SLC8A2: variants seen among roughly 807,000 people sequenced by gnomAD.
The protein encoded by SLC8A2 is solute carrier family 8 member A2.
A neutral mutation model predicts 70.2 loss-of-function variants in SLC8A2; 14 were observed. That is an observed-to-expected ratio of 0.20 (90% CI 0.13 to 0.31). The LOEUF (loss-of-function observed/expected upper bound fraction) is 0.31. Among genes scored for constraint, SLC8A2 ranks in the 10% least tolerant of loss-of-function variants. The pLI is 1.00. For missense variants in SLC8A2, 779 were observed against 1,320.1 expected, an observed-to-expected ratio of 0.59 and a Z score of 6.35; for synonymous variants, 575 against 594.3, an observed-to-expected ratio of 0.97 and a Z score of 0.47.
chr19:47,455,020 A>C (rs1473096180), intron 3 of SLC8A2, among the ~76,000 whole-genome samples: 4 of 152,076 alleles, frequency 2.6e-5, no homozygotes, highest in Non-Finnish European at 4.4e-5. Context: ...CTGGAAGGTG[A>C]AGGTTGCAGT....
chr19:47,456,792 C>T, intron 3 of SLC8A2, 138 bp downstream of exon 3: 1 of 933,182 alleles, frequency 1.1e-6, no homozygotes. Context: ...AGCAGGCTCT[C>T]AGGAATGAAT....
At position 47,430,295 on chromosome 19, in the gene SLC8A2, T is replaced by A. The variant is rs745462136; in HGVS notation, c.2560A>T (p.Thr854Ser). The A allele has an allele frequency of 4.3e-6, 7 of 1,612,620 alleles. No individual in the cohort carries two copies. The highest frequency in any genetic ancestry group is 5.9e-6 in the Non-Finnish European group (7 of 1,179,398). Residue 854 changes from threonine (T) to serine (S), a missense_variant, in exon 10 of 10, where the codon ACG becomes TCG. By Grantham distance (58) the Thr-to-Ser change is moderately conservative. Around this residue, in one of 6 missense-constraint regions of SLC8A2, gnomAD observed 108 missense variants for 269.6 expected, o/e 0.40. Transcript: ENST00000236877. This position sits in a 1 kb window ranked among gnomAD's most constrained non-coding sequence, Gnocchi z 5.9. ...AAGAGCGTGACGGAGAAGGCCAGCG[T>A]GCCAGTGCGCACCTCGAAGGGGCGG... ...QGRPFEVRTG[T>S]LAFSVTLFTV...
intron 1 of SLC8A2, among the ~76,000 whole-genome samples, chr19:47,467,548 G>A (rs1056650735): frequency 1.3e-5 from 2 of 152,102 alleles, no homozygotes; most frequent in Non-Finnish European, 2.9e-5. Flanking sequence ...TATAAGTGGT[G>A]CAGTTCCTTA....
At chr19:47,460,348 T>C (rs1036387156) in intron 2 of SLC8A2, among the ~76,000 whole-genome samples, 1 of 152,182 alleles carries the variant, frequency 6.6e-6, no homozygotes, top group African/African-American at 2.4e-5. Flanking sequence ...GCACCTGCAT[T>C]CCTAGTGCAC....
intron 4 of SLC8A2, among the ~76,000 whole-genome samples, chr19:47,443,127 A>G (rs1299788159): frequency 6.6e-6 from 1 of 152,192 alleles, no homozygotes; most frequent in Non-Finnish European, 1.5e-5. Context: ...CAACACCCAG[A>G]ACAGTCCCTG....
intron 1 of SLC8A2, among the ~76,000 whole-genome samples, chr19:47,470,378 C>CAT (rs1316576999): frequency 5.3e-5 from 8 of 151,950 alleles, no homozygotes; most frequent in Non-Finnish European, 1.2e-4. Context: ...CACACACACA[C>CAT]ACACACACAC....
At chr19:47,441,051 C>G in intron 6 of SLC8A2, 118 bp downstream of exon 6, 1 of 920,216 alleles carries the variant, frequency 1.1e-6, no homozygotes, top group East Asian at 2.4e-5. Flanking sequence ...CTGCCTTTAT[C>G]TCACCTCCAA....
chr19:47,466,246 AC>A lies in SLC8A2; in HGVS notation c.157del (p.Val53CysfsTer143). The A allele has an allele frequency of 6.3e-7, 1 of 1,598,822 alleles. No individual in the cohort carries two copies. The highest frequency in any genetic ancestry group is 8.5e-7 in the Non-Finnish European group (1 of 1,170,464). On this transcript the variant is annotated frameshift_variant, in exon 2 of 10. Coordinates refer to ENST00000236877, the MANE Select transcript of SLC8A2 (RefSeq NM_015063.3). LOFTEE classifies it high-confidence loss of function. The surrounding 1 kb of genome is among the most constrained non-coding windows in gnomAD (Gnocchi z 6.9). ...CQGSYRCQPGVLLPVWEPDDP... is the reference protein window; with the variant it reads ...CQGSYRCQPGXLLPVWEPDDP... ...GTCGGGCTCCCACACGGGCAGCAGC[AC>A]CCCCGGCTGGCAGCGGTAGGACCCC...
chr19:47,431,645 C>G (rs1442416345), intron 9 of SLC8A2, among the ~76,000 whole-genome samples: 13 of 121,542 alleles, frequency 1.1e-4, no homozygotes, highest in Admixed American at 5.5e-4. Context: ...GAGCGAGACT[C>G]TGTCCCCACA....
rs1568443204 is a variant in SLC8A2, at chr19:47,447,745, GC to G, written c.1763+63del. On this transcript the variant is annotated intron_variant, in intron 4 of 9. Transcript: ENST00000236877. This position sits in a 1 kb window ranked among gnomAD's most constrained non-coding sequence, Gnocchi z 5.1. ...TGGCTCACCCAGGCCCCGCCCCTGA[GC>G]CACATCAGGCCTCGCCCATTCCGAA... is the stretch of plus-strand genomic sequence containing the variant. 6.9e-7 allele frequency: 1 copy of G among 1,459,398 alleles called. No individual in the cohort carries two copies. Among genetic ancestry groups the G allele is most frequent in the African/African-American group, 1.5e-5 (1 of 67,990 alleles). The allele number at this position is 1,459,398 out of a possible 1,614,324, so 90.4% of individuals were successfully genotyped here.
In SLC8A2 at chr19:47,429,928, A is replaced by G. The variant is rs779771167; in HGVS notation, c.*161T>C. The G allele has an allele frequency of 1.9e-6, 1 of 539,598 alleles. No homozygotes were observed. The highest frequency in any genetic ancestry group is 2.1e-5 in the South Asian group (1 of 46,708). The allele number at this position is 539,598 out of a possible 1,614,324, so 33.4% of individuals were successfully genotyped here. On this transcript the variant is annotated 3_prime_UTR_variant, in exon 10 of 10. Transcript: ENST00000236877. ...GGGAAGGCTGAGCTACTGGGGACAC[A>G]GAACAGGGCAATCAAAGCCAGGGGA...
At chr19:47,441,246 C>T (rs752253907) in intron 5 of SLC8A2, 60 bp from the exon 6 acceptor site, 52 of 1,600,158 alleles carry the variant, frequency 3.2e-5, no homozygotes, top group Non-Finnish European at 4.1e-5. Flanking sequence ...CTCAGGTCCA[C>T]GAGCTTTAAG....
chr19:47,456,659 T>C (rs1967306549), intron 3 of SLC8A2, among the ~76,000 whole-genome samples: 1 of 152,192 alleles, frequency 6.6e-6, no homozygotes, highest in African/African-American at 2.4e-5. Flanking sequence ...AGTGAGACTC[T>C]ATCTCAAACA....
chr19:47,435,551 T>G (rs1013807953), intron 8 of SLC8A2, among the ~76,000 whole-genome samples: 1 of 62,480 alleles, frequency 1.6e-5, no homozygotes, highest in Non-Finnish European at 2.6e-5. Context: ...CTTTTCTTCG[T>G]TTTTTTTTTT....
At position 47,429,993 on chromosome 19, in the gene SLC8A2, C is replaced by A; in HGVS notation, c.*96G>T. 7.6e-7 allele frequency: 1 copy of A among 1,318,962 alleles called. No individual in the cohort carries two copies. Among genetic ancestry groups the A allele is most frequent in the Non-Finnish European group, 1.0e-6 (1 of 978,908 alleles). 81.7% of individuals were successfully genotyped at this position (1,318,962 alleles called of 1,614,324 possible). ...GAGGCCGAGTCCCAGGAGAGGAGGCCGAGTCTGGGGGGAAAAGGAGACCAG... is the reference window on the plus strand; with the variant it reads ...GAGGCCGAGTCCCAGGAGAGGAGGCAGAGTCTGGGGGGAAAAGGAGACCAG... On this transcript the variant is annotated 3_prime_UTR_variant, in exon 10 of 10. Transcript: ENST00000236877.
At chr19:47,443,923 T>TCTCG (rs1421286462) in intron 4 of SLC8A2, among the ~76,000 whole-genome samples, 1 of 152,026 alleles carries the variant, frequency 6.6e-6, no homozygotes, top group Admixed American at 6.6e-5. Context: ...TGAAACAAAG[T>TCTCG]CTCGCTCTGT....
chr19:47,439,613 C>CCTTT (rs915311815), intron 6 of SLC8A2, among the ~76,000 whole-genome samples: 1 of 94,378 alleles, frequency 1.1e-5, no homozygotes, highest in East Asian at 3.3e-4. Flanking sequence ...CTCCTTCCTT[C>CCTTT]CTTTCTTCCT....
At chr19:47,446,285 A>AG (rs1220900690) in intron 4 of SLC8A2, among the ~76,000 whole-genome samples, 4 of 10,656 alleles carry the variant, frequency 3.8e-4, no homozygotes, top group Non-Finnish European at 8.0e-4. Context: ...CATCCTGGGC[A>AG]GGGGGGTGGG....
rs1303180936 is a variant in SLC8A2 at position 47,448,467 on chromosome 19, C to T, written c.1341-236G>A. ...AGAGTGGGCCCCTCCCCGCGTGGAA[C>T]TCGTGAAGAGCAGAAGGTGGGAATT... On this transcript the variant is annotated intron_variant, in intron 3 of 9. Transcript: ENST00000236877. The surrounding 1 kb of genome is among the most constrained non-coding windows in gnomAD (Gnocchi z 4.8). Among the ~76,000 whole-genome samples, 1 of 152,090 alleles carries T rather than the reference C, an allele frequency of 6.6e-6. No homozygotes were observed. The highest frequency in any genetic ancestry group is 1.5e-5 in the Non-Finnish European group (1 of 68,032).
Sources: allele counts gnomAD v4.1 joint callset (sites outside exome capture counted in the v4.1 genomes callset), GRCh38; gene constraint gnomAD v4.1.1; regional missense constraint gnomAD v4.1.1; non-coding constraint Gnocchi (gnomAD v3.1); transcripts MANE v1.5; gene names NCBI Gene and HGNC (gene_info 2026-07-23, HGNC 2026-07-21).